Variants in CHTOP observed in about 807,000 individuals in gnomAD.
CHTOP encodes chromatin target of PRMT1, also known as chromatin target of PRMT1 protein.
CHTOP carries 18 observed loss-of-function variants against 33.6 expected under a neutral mutation model. The observed-to-expected ratio is 0.54, with a 90% CI of 0.37 to 0.80. The LOEUF is 0.80. CHTOP is among the 30% of genes least tolerant of loss of function. The probability of loss-of-function intolerance (pLI) is 0.00; values close to 1 mark genes in which losing one functional copy is unlikely to be tolerated. For synonymous variants in CHTOP, 117 were observed against 127.7 expected (o/e 0.92, Z 0.56); for missense variants, 263 against 336.8 (o/e 0.78, Z 1.71).
At position 153,645,547 on chromosome 1, in the gene CHTOP, A is replaced by G. The variant is rs1454806059; in HGVS notation, c.*278A>G. ...TTTGCCCAGACTTCTCTTTGAACACAAATGCATTAGCCTTGTGGCTAGAAC... is the reference window on the plus strand; with the variant it reads ...TTTGCCCAGACTTCTCTTTGAACACGAATGCATTAGCCTTGTGGCTAGAAC... On this transcript the variant is annotated 3_prime_UTR_variant, in exon 6 of 6. Coordinates refer to ENST00000368694, the MANE Select transcript of CHTOP (RefSeq NM_015607.4). The G allele has an allele frequency of 6.4e-6, 3 of 465,906 alleles. No homozygotes were observed. The highest frequency in any genetic ancestry group is 6.0e-5 in the African/African-American group (3 of 50,306). 28.9% of individuals were successfully genotyped at this position (465,906 alleles called of 1,614,324 possible). A position where few individuals can be genotyped will look rare whatever the true frequency, so the allele number is the denominator to read the frequency against.
chr1:153,639,541 A>C, intron 3 of CHTOP: 1 of 248,648 alleles, frequency 4.0e-6, no homozygotes, highest in Non-Finnish European at 6.4e-6. Flanking sequence ...CATTGGGCTC[A>C]CTGACCAAAA....
chr1:153,641,779 G>A (rs1668632948), intron 3 of CHTOP, among the ~76,000 whole-genome samples: 1 of 152,208 alleles, frequency 6.6e-6, no homozygotes, highest in African/African-American at 2.4e-5. Context: ...TGTAATTTAA[G>A]TTTTGCCCAG....
At chr1:153,641,855 A>G (rs1668635623) in intron 3 of CHTOP, among the ~76,000 whole-genome samples, 1 of 152,268 alleles carries the variant, frequency 6.6e-6, no homozygotes, top group Non-Finnish European at 1.5e-5. Flanking sequence ...ATGGGCAGGT[A>G]TGAATCAAGT....
At chr1:153,642,557 A>C (rs1668666219) in intron 4 of CHTOP, 128 bp downstream of exon 4, 1 of 697,680 alleles carries the variant, frequency 1.4e-6, no homozygotes, top group African/African-American at 1.8e-5. Flanking sequence ...TTCTGAAATC[A>C]CATATTTTTA....
intron 2 of CHTOP, chr1:153,637,924 C>T (rs778650822): frequency 2.3e-5 from 5 of 219,784 alleles, no homozygotes; most frequent in Non-Finnish European, 4.6e-5. Context: ...CATATTTGGC[C>T]TTAGAATGCA....
chr1:153,636,295 G>A (rs1024899941), intron 1 of CHTOP, among the ~76,000 whole-genome samples: 7 of 151,116 alleles, frequency 4.6e-5, no homozygotes, highest in Non-Finnish European at 7.4e-5. Flanking sequence ...TGGGCGTTGG[G>A]TCCCAGTGAT....
chr1:153,643,432 C>CT, intron 5 of CHTOP, 68 bp downstream of exon 5: 3 of 1,426,638 alleles, frequency 2.1e-6, no homozygotes, highest in African/African-American at 2.9e-5. Flanking sequence ...TCAGAGCCAC[C>CT]TTTCTGCACA....
chr1:153,640,128 A>C (rs1668565306), intron 3 of CHTOP, among the ~76,000 whole-genome samples: 1 of 152,222 alleles, frequency 6.6e-6, no homozygotes, highest in Non-Finnish European at 1.5e-5. Context: ...TACAGTAGCC[A>C]CTAGTCACAT....
rs559393647 is a variant in CHTOP at position 153,645,784 on chromosome 1, C to G, written c.*515C>G. ...TTAGAAGGTCTGGAGCTCAAAAATG[C>G]GTTCTTCCACATTGATAATTTAGTA... On this transcript the variant is annotated 3_prime_UTR_variant, in exon 6 of 6. Coordinates refer to ENST00000368694, the MANE Select transcript of CHTOP (RefSeq NM_015607.4). 1.3e-5 allele frequency: 2 copies of G among 156,672 alleles called. No individual in the cohort carries two copies. The highest frequency in any genetic ancestry group is 2.8e-5 in the Non-Finnish European group (2 of 70,952). 9.7% of individuals were successfully genotyped at this position (156,672 alleles called of 1,614,324 possible). A position where few individuals can be genotyped will look rare whatever the true frequency, so the allele number is the denominator to read the frequency against.
chr1:153,638,204 C>T, intron 2 of CHTOP, 91 bp from the exon 3 acceptor site: 5 of 1,400,730 alleles, frequency 3.6e-6, no homozygotes, highest in Non-Finnish European at 4.0e-6. Flanking sequence ...TTCGTGGGAT[C>T]TGGAGCTCCT....
At chr1:153,637,567 G>C (rs1047794747) in intron 2 of CHTOP, 2 of 152,232 alleles carry the variant, frequency 1.3e-5, no homozygotes, top group Non-Finnish European at 2.9e-5. Flanking sequence ...AGAATCACTT[G>C]AACCCGTGAG....
At chr1:153,637,397 C>G (rs1433584172) in intron 2 of CHTOP, 2 of 152,240 alleles carry the variant, frequency 1.3e-5, no homozygotes, top group Non-Finnish European at 2.9e-5. Context: ...TGCCTGTAAT[C>G]CCAGCACTTT....
Position 153,642,333 on chromosome 1 carries a change from C to T in CHTOP, c.307C>T (p.Arg103Ter), listed in dbSNP as rs1393831262. 3 of 1,614,020 alleles carry T rather than the reference C, an allele frequency of 1.9e-6. No individual in the cohort carries two copies. The highest frequency in any genetic ancestry group is 1.7e-6 in the Non-Finnish European group (2 of 1,180,006). ...GALARGAIGG[R>*]GLPIIQRGLP... ...CCTGGCCAGGGGAGCAATCGGAGGA[C>T]GAGGCCTACCCATAATCCAGAGAGG... The change falls in exon 4 of 6, where the codon CGA becomes TGA. Residue 103 changes from arginine to a stop codon, truncating the protein, a stop_gained. Transcript: ENST00000368694. LOFTEE classifies it high-confidence loss of function.
chr1:153,645,212 C>T lies in CHTOP; in HGVS notation c.690C>T (p.His230=), dbSNP rs1668768716. Residue 230 remains histidine (H), a synonymous_variant, in exon 6 of 6, where the codon CAC becomes CAT. Transcript: ENST00000368694. The part of the protein sequence containing the change: ...LDAYMSKTKG[H]LDAELDAYMA... The stretch of plus-strand genomic sequence containing the variant: ...CATATATGTCGAAAACAAAAGGACA[C>T]CTGGATGCTGAGTTGGATGCCTACA... 6.2e-7 allele frequency: 1 copy of T among 1,614,194 alleles called. No individual in the cohort carries two copies. The highest frequency in any genetic ancestry group is 2.2e-5 in the East Asian group (1 of 44,874).
intron 2 of CHTOP, chr1:153,637,309 G>T (rs375032454): frequency 6.6e-6 from 1 of 152,206 alleles, no homozygotes; most frequent in South Asian, 2.1e-4. Flanking sequence ...ACTAAGAAAA[G>T]TAAAGATATT....
chr1:153,638,336 A>G lies in CHTOP; in HGVS notation c.107A>G (p.Asn36Ser), dbSNP rs569840085. Residue 36 changes from asparagine to serine, a missense_variant, in exon 3 of 6, where the codon AAT (asparagine) becomes AGT (serine). Coordinates refer to ENST00000368694, the MANE Select transcript of CHTOP (RefSeq NM_015607.4). ...AAGAACAAACAGCCGACGCCAGTGA[A>G]TATTCGGGCTTCGATGCAGCAACAA... is the stretch of plus-strand genomic sequence containing the variant. ...MLKNKQPTPV[N>S]IRASMQQQQQ... 1 of 1,614,250 alleles carries G rather than the reference A, an allele frequency of 6.2e-7. No individual in the cohort carries two copies. Among genetic ancestry groups the G allele is most frequent in the Non-Finnish European group, 8.5e-7 (1 of 1,180,042 alleles).
intron 3 of CHTOP, among the ~76,000 whole-genome samples, chr1:153,640,640 C>T (rs1036984594): frequency 2.0e-5 from 3 of 152,060 alleles, no homozygotes; most frequent in African/African-American, 7.2e-5. Flanking sequence ...GGCGTGATGA[C>T]AGCTCCTGTA....
intron 5 of CHTOP, chr1:153,644,242 C>G (rs1462626219): frequency 1.3e-5 from 2 of 152,208 alleles, no homozygotes; most frequent in Non-Finnish European, 2.9e-5. Context: ...TTTCTTCTCT[C>G]CCATTATATG....
In CHTOP at chr1:153,645,078, G is replaced by T. The variant is rs1172155649; in HGVS notation, c.556G>T (p.Gly186Cys). The change falls in exon 6 of 6, where the codon GGT (glycine) becomes TGT (cysteine). Residue 186 changes from glycine to cysteine, a missense_variant. Physicochemically the swap from Gly to Cys is radical, Grantham distance 159 (BLOSUM62 -3). This residue lies in a region of CHTOP where 168 missense variants were observed against 179.9 expected (regional missense o/e 0.93). Coordinates refer to ENST00000368694, the MANE Select transcript of CHTOP (RefSeq NM_015607.4). ...GIGGRGRGMI[G>C]RGRGGFGGRG... ...CTTTGGGCCAGGTCGGGGTATGATAGGTCGGGGAAGAGGGGGCTTTGGAGG... is the reference window on the plus strand; with the variant it reads ...CTTTGGGCCAGGTCGGGGTATGATATGTCGGGGAAGAGGGGGCTTTGGAGG... 3 of 1,612,612 alleles carry T rather than the reference G, an allele frequency of 1.9e-6. No individual in the cohort carries two copies. The highest frequency in any genetic ancestry group is 1.7e-6 in the Non-Finnish European group (2 of 1,179,828).
Sources: gnomAD v4.1 joint callset for allele counts (sites outside exome capture counted in the v4.1 genomes callset) on GRCh38, gnomAD v4.1.1 for gene constraint, gnomAD v4.1.1 regional missense constraint, MANE v1.5 for transcripts, NCBI Gene and HGNC (gene_info 2026-07-23, HGNC 2026-07-21) for gene names.